The following DNAH5 variants were observed in gnomAD, a reference collection of about 807,000 sequenced individuals.
The protein encoded by DNAH5 is dynein axonemal heavy chain 5.
In DNAH5, 372 loss-of-function variants were observed where a neutral mutation model predicts 518.2. The ratio of observed to expected loss-of-function variants is 0.72; its 90% CI spans 0.66 to 0.78. The LOEUF (loss-of-function observed/expected upper bound fraction) is 0.78. DNAH5 is among the 30% of genes least tolerant of loss of function. The pLI is 0.00. For missense variants in DNAH5, 5,523 were observed against 5,687.0 expected, an observed-to-expected ratio of 0.97 and a Z score of 0.93; for synonymous variants, 2,039 against 2,025.9, an observed-to-expected ratio of 1.01 and a Z score of -0.17.
At chr5:13,698,980 C>G (rs563592606) in intron 78 of DNAH5, among the ~76,000 whole-genome samples, 14 of 152,256 alleles carry the variant, frequency 9.2e-5, no homozygotes, top group African/African-American at 1.7e-4. Flanking sequence ...ATATTTGTTT[C>G]TTTTATGGCT....
chr5:13,845,542 G>A (rs968440226), intron 31 of DNAH5, among the ~76,000 whole-genome samples: 2 of 152,010 alleles, frequency 1.3e-5, no homozygotes, highest in Non-Finnish European at 2.9e-5. Flanking sequence ...TCTGCTTCCA[G>A]GAGTTTCCAA....
chr5:13,870,628 G>A (rs1417281925), intron 24 of DNAH5, 139 bp downstream of exon 24: 7 of 825,664 alleles, frequency 8.5e-6, no homozygotes, highest in African/African-American at 1.7e-5. Flanking sequence ...ATAGGGGTTC[G>A]GTATCATCAA....
chr5:13,918,607 A>ACTCC (rs1776911761), intron 7 of DNAH5, among the ~76,000 whole-genome samples: 3 of 152,084 alleles, frequency 2.0e-5, no homozygotes, highest in Non-Finnish European at 2.9e-5. Context: ...AGTAGCTGGG[A>ACTCC]CTACAGGCAC....
chr5:13,842,375 C>T (rs1051078759), intron 32 of DNAH5, among the ~76,000 whole-genome samples: 5 of 140,570 alleles, frequency 3.6e-5, no homozygotes, highest in East Asian at 2.2e-4. Context: ...AGCGAGACTC[C>T]GTCTCAAAAA....
Position 13,882,814 on chromosome 5 carries a change from T to C in DNAH5, c.3176A>G (p.Lys1059Arg). The C allele has an allele frequency of 6.2e-7, 1 of 1,614,096 alleles. No homozygotes were observed. The highest frequency in any genetic ancestry group is 1.1e-5 in the South Asian group (1 of 91,086). The change falls in exon 21 of 79, where the codon AAA (lysine) becomes AGA (arginine). Residue 1059 changes from lysine to arginine, a missense_variant and splice_region_variant. This residue lies in a region of DNAH5 where 5,121 missense variants were observed against 5,223.3 expected (regional missense o/e 0.98). Transcript: ENST00000265104. Reference sequence around the variant, plus strand: ...AGCCATTTTTCTTTCTTGTATCTTTTTCTACAATGTAAAAGGATATTTTTC... The same window carrying C: ...AGCCATTTTTCTTTCTTGTATCTTTCTCTACAATGTAAAAGGATATTTTTC... The part of the protein sequence containing the change: ...RQWSSELLSK[K>R]KIQERKMAAL...
rs765488703 is a variant in DNAH5 at position 13,753,528 on chromosome 5, G to A, written c.10577C>T (p.Ala3526Val). The A allele has an allele frequency of 6.2e-7, 1 of 1,613,750 alleles. No individual in the cohort carries two copies. ...RLVGDVLLATAFLSYSGPFNQ... is the reference protein window; with the variant it reads ...RLVGDVLLATVFLSYSGPFNQ... ...AAATGGACCAGAATAAGATAGAAAA[G>A]CTGTAGCCAACAGTACATCCCCTAA... Residue 3526 changes from alanine (A) to valine (V), a missense_variant, in exon 63 of 79, where the codon GCT (alanine) becomes GTT (valine). This residue lies in a region of DNAH5 where 5,121 missense variants were observed against 5,223.3 expected (regional missense o/e 0.98). Coordinates refer to ENST00000265104, the MANE Select transcript of DNAH5 (RefSeq NM_001369.3).
At chr5:13,824,389 C>A in intron 38 of DNAH5, 56 bp from the exon 39 acceptor site, 4 of 1,530,700 alleles carry the variant, frequency 2.6e-6, no homozygotes, top group Non-Finnish European at 3.6e-6. Context: ...CTTGCAGAAG[C>A]CATATGAATC....
chr5:13,888,910 A>G (rs1310864091), intron 17 of DNAH5, among the ~76,000 whole-genome samples: 4 of 152,220 alleles, frequency 2.6e-5, no homozygotes, highest in Non-Finnish European at 5.9e-5. Context: ...AGGTTCAGCA[A>G]TAAGAAACTG....
intron 78 of DNAH5, 121 bp from the exon 79 acceptor site, chr5:13,692,256 G>A (rs1740793773): frequency 1.8e-6 from 2 of 1,096,192 alleles, no homozygotes; most frequent in Non-Finnish European, 2.7e-6. Flanking sequence ...TTGGCTGAAT[G>A]AGGGACATTC....
chr5:13,829,194 T>C (rs1763308266), intron 38 of DNAH5, among the ~76,000 whole-genome samples: 2 of 152,166 alleles, frequency 1.3e-5, no homozygotes, highest in Non-Finnish European at 2.9e-5. Context: ...CTACAAATCA[T>C]GAAAATACAT....
At chr5:13,807,515 G>C (rs939284159) in intron 47 of DNAH5, 76 bp downstream of exon 47, 8 of 1,392,330 alleles carry the variant, frequency 5.7e-6, no homozygotes, top group Admixed American at 5.4e-5. Flanking sequence ...TTCAATTGAA[G>C]CAGAATAGTA....
At position 13,770,743 on chromosome 5, in the gene DNAH5, A is replaced by C. The variant is rs1431161278; in HGVS notation, c.9605+6T>G. The C allele has an allele frequency of 1.8e-5, 29 of 1,611,628 alleles. No individual in the cohort carries two copies. Among genetic ancestry groups the C allele is most frequent in the Non-Finnish European group, 2.4e-5 (28 of 1,178,056 alleles). On this transcript the variant is annotated splice_donor_region_variant and intron_variant, in intron 56 of 78. Transcript: ENST00000265104. The stretch of plus-strand genomic sequence containing the variant: ...ATATAGCTTTGTATAAGAACATCAC[A>C]CTTACCTGTTGGCCAGGGTCCGCAC...
intron 1 of DNAH5, among the ~76,000 whole-genome samples, chr5:13,968,447 G>C (rs1378287071): frequency 6.6e-6 from 1 of 152,044 alleles, no homozygotes; most frequent in Non-Finnish European, 1.5e-5. Context: ...GTTGGCTGTG[G>C]GTTTGTCGTA....
chr5:13,838,460 G>C (rs1368224683), intron 35 of DNAH5, among the ~76,000 whole-genome samples: 2 of 152,136 alleles, frequency 1.3e-5, no homozygotes, highest in African/African-American at 4.8e-5. Context: ...TCTCATAGGA[G>C]CACAACCTTT....
chr5:13,797,988 G>A (rs752132086), intron 47 of DNAH5, among the ~76,000 whole-genome samples: 4 of 151,352 alleles, frequency 2.6e-5, no homozygotes, highest in Non-Finnish European at 5.9e-5. Context: ...CTCACTCATA[G>A]GTGGGAATTG....
At chr5:13,848,559 C>A (rs140369895) in intron 31 of DNAH5, among the ~76,000 whole-genome samples, 2 of 152,240 alleles carry the variant, frequency 1.3e-5, no homozygotes, top group East Asian at 1.9e-4. Flanking sequence ...CTCACCATAA[C>A]GTAGAATCAG....
At chr5:13,843,313 C>T (rs1473218585) in intron 32 of DNAH5, among the ~76,000 whole-genome samples, 2 of 152,140 alleles carry the variant, frequency 1.3e-5, no homozygotes, top group African/African-American at 4.8e-5. Flanking sequence ...CAGGTCACTG[C>T]CCTGCTTAAA....
rs1451027094 is a variant in DNAH5 at position 13,912,432 on chromosome 5, CT to C, written c.1537-940del. Among the ~76,000 whole-genome samples, 4 of 150,470 alleles carry C rather than the reference CT, an allele frequency of 2.7e-5. No individual in the cohort carries two copies. The East Asian group carries it at 7.9e-4, about 30-fold the overall frequency. On this transcript the variant is annotated intron_variant, in intron 11 of 78. Transcript: ENST00000265104. ...GTGTGTGTATGTATATATATATATA[CT>C]TTTTTATATAACGTGTGTGTATGCA...
chr5:13,773,287 C>T (rs995350270), intron 55 of DNAH5, among the ~76,000 whole-genome samples: 2 of 151,770 alleles, frequency 1.3e-5, no homozygotes, highest in African/African-American at 4.8e-5. Context: ...ATAGGAGGTC[C>T]AAGAAAATGG....
Sources: allele counts gnomAD v4.1 joint callset (sites outside exome capture counted in the v4.1 genomes callset), GRCh38; gene constraint gnomAD v4.1.1; regional missense constraint gnomAD v4.1.1; transcripts MANE v1.5; gene names NCBI Gene and HGNC (gene_info 2026-07-23, HGNC 2026-07-21).